Variants in QTMAN observed in about 807,000 individuals in gnomAD.
The protein encoded by QTMAN is tRNA-queuosine alpha-mannosyltransferase.
the QTMAN span, among the ~76,000 whole-genome samples, chr2:144,024,313 G>C: frequency 3.3e-5 from 5 of 152,206 alleles, no homozygotes; most frequent in Non-Finnish European, 5.9e-5. Context: ...TGTCTAGCAG[G>C]TTTATGGCCC....
chr2:144,258,794 A>G, the QTMAN span, among the ~76,000 whole-genome samples: 6 of 152,192 alleles, frequency 3.9e-5, no homozygotes, highest in Non-Finnish European at 8.8e-5. Context: ...AAATGGAGAT[A>G]TGTGTTAGTA....
chr2:144,135,005 G>A, the QTMAN span, among the ~76,000 whole-genome samples: 3 of 152,194 alleles, frequency 2.0e-5, no homozygotes, highest in South Asian at 2.1e-4. Context: ...CATTTGTCTC[G>A]CTTCACGTTT....
At chr2:144,277,502 C>A in the QTMAN span, among the ~76,000 whole-genome samples, 1 of 152,120 alleles carries the variant, frequency 6.6e-6, no homozygotes, top group Non-Finnish European at 1.5e-5. Flanking sequence ...GACAGGAATG[C>A]TGTATCCACA....
At chr2:144,183,276 T>C in the QTMAN span, among the ~76,000 whole-genome samples, 1 of 152,092 alleles carries the variant, frequency 6.6e-6, no homozygotes, top group African/African-American at 2.4e-5. Context: ...CTTTCAACAT[T>C]TGTTTGAAAT....
the QTMAN span, among the ~76,000 whole-genome samples, chr2:143,998,398 A>G: frequency 2.0e-5 from 3 of 152,048 alleles, no homozygotes; most frequent in Admixed American, 2.0e-4. Context: ...ATGCTGAAAT[A>G]GCTAATGAGT....
chr2:144,317,108 T>TA, the QTMAN span, among the ~76,000 whole-genome samples: 27 of 152,176 alleles, frequency 1.8e-4, no homozygotes, highest in South Asian at 4.1e-4. Context: ...AATCCAAAAA[T>TA]AGAGTGTTCA....
chr2:144,319,546 A>C, the QTMAN span, among the ~76,000 whole-genome samples: 1 of 151,854 alleles, frequency 6.6e-6, no homozygotes, highest in African/African-American at 2.4e-5. Context: ...ATACCACCAA[A>C]ATTTTTTTTC....
the QTMAN span, among the ~76,000 whole-genome samples, chr2:143,993,562 A>G: frequency 2.0e-5 from 3 of 152,196 alleles, no homozygotes; most frequent in Admixed American, 6.5e-5. Flanking sequence ...GGAGAAAGCA[A>G]TGTGACTGGA....
At chr2:144,178,760 T>C in the QTMAN span, 1 of 316,978 alleles carries the variant, frequency 3.2e-6, no homozygotes, top group Non-Finnish European at 6.2e-6. Flanking sequence ...AGGATGTTCC[T>C]CAGAGAGATT....
chr2:144,092,591 T>C, the QTMAN span, among the ~76,000 whole-genome samples: 3 of 152,172 alleles, frequency 2.0e-5, no homozygotes, highest in African/African-American at 4.8e-5. Flanking sequence ...ACAAAAGCAA[T>C]AGTTTTAGTC....
chr2:144,015,244 G>A, the QTMAN span, among the ~76,000 whole-genome samples: 11 of 151,990 alleles, frequency 7.2e-5, no homozygotes, highest in Non-Finnish European at 1.3e-4. Context: ...CCTAAAAAGA[G>A]CTCTCTAAGA....
the QTMAN span, among the ~76,000 whole-genome samples, chr2:144,271,070 A>G: frequency 6.6e-6 from 1 of 152,270 alleles, no homozygotes; most frequent in South Asian, 2.1e-4. Flanking sequence ...TACACAACTA[A>G]TTCTTATTAG....
chr2:144,303,365 T>G, the QTMAN span, among the ~76,000 whole-genome samples: 780 of 152,242 alleles, frequency 5.1e-3, 10 homozygotes, highest in African/African-American at 0.018. Context: ...CTTTTGTGAA[T>G]AATGAAGATG....
chr2:144,146,458 G>T, the QTMAN span, among the ~76,000 whole-genome samples: 1 of 151,456 alleles, frequency 6.6e-6, no homozygotes, highest in Non-Finnish European at 1.5e-5. Flanking sequence ...GCCTATCCAT[G>T]TTTATAAATG....
the QTMAN span, among the ~76,000 whole-genome samples, chr2:144,109,793 A>C: frequency 1.7e-4 from 26 of 152,244 alleles, no homozygotes; most frequent in African/African-American, 5.3e-4. Context: ...TGAAAAAATG[A>C]TCATCATCAC....
chr2:144,223,554 A>G, the QTMAN span, among the ~76,000 whole-genome samples: 1 of 152,296 alleles, frequency 6.6e-6, no homozygotes, highest in East Asian at 1.9e-4. Context: ...AGTGAGAAAA[A>G]ATGAGCTTTT....
At chr2:144,215,887 A>G in the QTMAN span, among the ~76,000 whole-genome samples, 1 of 152,190 alleles carries the variant, frequency 6.6e-6, no homozygotes, top group Non-Finnish European at 1.5e-5. Flanking sequence ...TAATCTTTCC[A>G]AAATGGAAAT....
the QTMAN span, among the ~76,000 whole-genome samples, chr2:144,143,723 A>G: frequency 6.6e-6 from 1 of 151,940 alleles, no homozygotes; most frequent in Non-Finnish European, 1.5e-5. Flanking sequence ...TGTTTTCACC[A>G]TATGTCACAT....
At chr2:144,089,677 A>G in the QTMAN span, among the ~76,000 whole-genome samples, 1 of 152,058 alleles carries the variant, frequency 6.6e-6, no homozygotes. Flanking sequence ...AGGCACAAAA[A>G]GACAAATATT....
Sources: gnomAD v4.1 joint callset for allele counts (sites outside exome capture counted in the v4.1 genomes callset) on GRCh38, gnomAD v4.1.1 for gene constraint, MANE v1.5 for transcripts, NCBI Gene and HGNC (gene_info 2026-07-23, HGNC 2026-07-21) for gene names.